Variants in CDH12 observed in about 807,000 individuals in gnomAD.
CDH12 encodes the protein cadherin 12.
In CDH12, 41 loss-of-function variants were observed where a neutral mutation model predicts 74.1. The observed-to-expected ratio is 0.55, with a 90% CI of 0.43 to 0.72. The LOEUF (loss-of-function observed/expected upper bound fraction) is 0.72, where lower values mean the gene tolerates loss of function less well. CDH12 is among the 30% of genes least tolerant of loss of function. CDH12 has a pLI of 0.00. For missense variants in CDH12, 945 were observed against 977.2 expected (o/e 0.97, Z 0.44); for synonymous variants, 399 against 355.0 (o/e 1.12, Z -1.39).
chr5:22,623,074 G>A (rs1030017831), intron 1 of CDH12, among the ~76,000 whole-genome samples: 1 of 152,174 alleles, frequency 6.6e-6, no homozygotes, highest in Admixed American at 6.5e-5. Context: ...AAAACCACAT[G>A]ATTATCTCAA....
At chr5:22,392,096 G>T (rs148949956) in intron 3 of CDH12, among the ~76,000 whole-genome samples, 1 of 152,158 alleles carries the variant, frequency 6.6e-6, no homozygotes. Context: ...CAGGCTTCCT[G>T]TCCTACCCCT....
At chr5:22,301,079 T>C (rs1049144760) in intron 3 of CDH12, among the ~76,000 whole-genome samples, 4 of 152,160 alleles carry the variant, frequency 2.6e-5, no homozygotes, top group Non-Finnish European at 5.9e-5. Context: ...TTGTGTGGAT[T>C]TTATATACTT....
chr5:22,432,771 T>C (rs781764814), intron 2 of CDH12, among the ~76,000 whole-genome samples: 4 of 152,172 alleles, frequency 2.6e-5, no homozygotes, highest in Non-Finnish European at 5.9e-5. Context: ...TGATACCTTT[T>C]TATAATTTAG....
At chr5:21,797,236 T>C (rs544704552) in intron 10 of CDH12, among the ~76,000 whole-genome samples, 56 of 151,806 alleles carry the variant, frequency 3.7e-4, no homozygotes, top group Non-Finnish European at 7.2e-4. Context: ...ATGATGATGA[T>C]AAAATACCCA....
At chr5:22,072,932 G>T (rs1026708743) in intron 5 of CDH12, among the ~76,000 whole-genome samples, 2 of 152,080 alleles carry the variant, frequency 1.3e-5, no homozygotes, top group East Asian at 3.9e-4. Flanking sequence ...CATCCACTGG[G>T]TGTTGAGATA....
At chr5:22,331,744 A>T (rs558542106) in intron 3 of CDH12, among the ~76,000 whole-genome samples, 8 of 152,202 alleles carry the variant, frequency 5.3e-5, no homozygotes, top group Non-Finnish European at 1.2e-4. Context: ...TTTTGATGAA[A>T]CTCAAATAAA....
chr5:22,739,767 C>T (rs903286411), intron 1 of CDH12, among the ~76,000 whole-genome samples: 10 of 152,012 alleles, frequency 6.6e-5, no homozygotes, highest in Non-Finnish European at 1.3e-4. Context: ...GCTTTTCAAC[C>T]CTCTGTTATG....
chr5:21,958,136 C>CGCTTT (rs1561328018), intron 6 of CDH12, among the ~76,000 whole-genome samples: 1 of 152,106 alleles, frequency 6.6e-6, no homozygotes, highest in African/African-American at 2.4e-5. Context: ...TCCTTCCTGC[C>CGCTTT]GCTTTGTGAA....
intron 1 of CDH12, among the ~76,000 whole-genome samples, chr5:22,710,892 C>A (rs1442012650): frequency 1.3e-5 from 2 of 151,976 alleles, no homozygotes; most frequent in East Asian, 3.9e-4. Flanking sequence ...TGTGAGGGTT[C>A]AAAATATATT....
At chr5:22,627,643 C>T (rs905368959) in intron 1 of CDH12, among the ~76,000 whole-genome samples, 6 of 152,146 alleles carry the variant, frequency 3.9e-5, no homozygotes, top group East Asian at 1.9e-4. Context: ...CACTTAAGTA[C>T]GTAGACCATT....
intron 11 of CDH12, among the ~76,000 whole-genome samples, chr5:21,776,396 G>A (rs1180845419): frequency 6.6e-6 from 1 of 152,118 alleles, no homozygotes; most frequent in Non-Finnish European, 1.5e-5. Flanking sequence ...CATAGCATAA[G>A]TAACTAATAC....
chr5:22,344,908 T>A (rs1335361310), intron 3 of CDH12, among the ~76,000 whole-genome samples: 1 of 152,184 alleles, frequency 6.6e-6, no homozygotes, highest in Non-Finnish European at 1.5e-5. Flanking sequence ...AATCTCTTCA[T>A]CTTTTTCTCA....
At position 22,284,856 on chromosome 5, in the gene CDH12, GA is replaced by G. The variant is rs1737065413; in HGVS notation, c.-332-72214del. 1.1e-4 allele frequency among the ~76,000 whole-genome samples: 16 copies of G among 142,270 alleles called. 3 individuals carry two copies. In the South Asian group the frequency reaches 3.5e-3, roughly 31 times the overall value. 93.3% of individuals were successfully genotyped at this position (142,270 alleles called of 152,430 possible). A position where few individuals can be genotyped will look rare whatever the true frequency, so the allele number is the denominator to read the frequency against. ...ATGAAAGAAGGGATTTTTAAAAAAT[GA>G]AAAAAGACCAGGAAAAGGGAAAGAA... On this transcript the variant is annotated intron_variant, in intron 3 of 14. Coordinates refer to ENST00000382254, the MANE Select transcript of CDH12 (RefSeq NM_004061.5).
At chr5:22,720,798 G>C (rs1388542985) in intron 1 of CDH12, among the ~76,000 whole-genome samples, 2 of 152,168 alleles carry the variant, frequency 1.3e-5, no homozygotes, top group African/African-American at 2.4e-5. Flanking sequence ...TGGAACAAAG[G>C]TCACCCTTGC....
intron 1 of CDH12, among the ~76,000 whole-genome samples, chr5:22,545,818 G>A (rs1738298916): frequency 6.6e-6 from 1 of 152,070 alleles, no homozygotes; most frequent in Non-Finnish European, 1.5e-5. Flanking sequence ...TGAAATCACA[G>A]CAAAGTTATC....
chr5:21,821,724 A>T (rs868310688), intron 8 of CDH12, among the ~76,000 whole-genome samples: 1 of 151,950 alleles, frequency 6.6e-6, no homozygotes, highest in South Asian at 2.1e-4. Flanking sequence ...CCAACTAAAT[A>T]GACTATGATT....
chr5:21,756,800 G>T (rs1028805839), intron 13 of CDH12, among the ~76,000 whole-genome samples: 14 of 152,074 alleles, frequency 9.2e-5, no homozygotes, highest in African/African-American at 3.4e-4. Flanking sequence ...AGTTGTGCAG[G>T]TCTGTCACAA....
At chr5:21,854,558 C>T (rs753374679) in intron 7 of CDH12, 113 bp downstream of exon 7, 14 of 752,080 alleles carry the variant, frequency 1.9e-5, no homozygotes, top group Middle Eastern at 3.8e-4. Context: ...TAATGCGCAT[C>T]GCACTGAAGC....
intron 5 of CDH12, among the ~76,000 whole-genome samples, chr5:22,003,206 A>G (rs1736706578): frequency 6.6e-6 from 1 of 152,174 alleles, no homozygotes; most frequent in Admixed American, 6.6e-5. Context: ...ATTAAAATGT[A>G]TAAAAAGAAC....
Sources: allele counts gnomAD v4.1 joint callset (sites outside exome capture counted in the v4.1 genomes callset), GRCh38; gene constraint gnomAD v4.1.1; transcripts MANE v1.5; gene names NCBI Gene and HGNC (gene_info 2026-07-23, HGNC 2026-07-21).